The following AP3B2 variants were observed in gnomAD, a reference collection of about 807,000 sequenced individuals.
AP3B2 encodes the protein adaptor related protein complex 3 subunit beta 2, also known as AP-3 complex subunit beta-2.
Under a neutral mutation model 126.9 loss-of-function variants are expected in AP3B2, and 50 were observed. The ratio of observed to expected loss-of-function variants is 0.39; its 90% CI spans 0.31 to 0.50. AP3B2 has a LOEUF of 0.50. AP3B2 is among the 20% of genes least tolerant of loss of function. AP3B2 has a pLI of 0.79. For synonymous variants in AP3B2, 541 were observed against 565.0 expected (o/e 0.96, Z 0.60); for missense variants, 1,177 against 1,426.4 (o/e 0.83, Z 2.82).
chr15:82,689,585 A>AGCCAG (rs758306071), intron 1 of AP3B2, 132 bp from the exon 2 acceptor site: 4 of 728,482 alleles, frequency 5.5e-6, no homozygotes, highest in South Asian at 1.7e-5. Context: ...GAGGGACCAG[A>AGCCAG]GCCAGGGGGA....
In AP3B2 at chr15:82,662,718, T is replaced by C. The variant is rs1313134160; in HGVS notation, c.2809A>G (p.Ser937Gly). ...CCAATTTCGGGAAATTCTTGGATGC[T>C]GATGCCAGCAGGCAGTTTGGGAGTG... ...VGTPKLPAGISIQEFPEIESL... is the reference protein window; with the variant it reads ...VGTPKLPAGIGIQEFPEIESL... Residue 937 changes from serine to glycine, a missense_variant, in exon 23 of 27, where the codon AGC becomes GGC. Ser to Gly is a moderately conservative substitution (Grantham distance 56). This residue lies in a region of AP3B2 where 587 missense variants were observed against 571.3 expected (regional missense o/e 1.03). Transcript: ENST00000535359. 1.2e-6 allele frequency: 2 copies of C among 1,613,606 alleles called. No homozygotes were observed. Among genetic ancestry groups the C allele is most frequent in the African/African-American group, 2.7e-5 (2 of 75,060 alleles).
intron 1 of AP3B2, among the ~76,000 whole-genome samples, chr15:82,691,018 A>G (rs1481209855): frequency 6.6e-6 from 1 of 151,846 alleles, no homozygotes; most frequent in Non-Finnish European, 1.5e-5. Flanking sequence ...ACTGATGGAC[A>G]TTTGGGTTGG....
At chr15:82,685,274 G>A (rs1412270014) in intron 4 of AP3B2, 1 of 152,142 alleles carries the variant, frequency 6.6e-6, no homozygotes, top group African/African-American at 2.4e-5. Context: ...TGGAAAAATG[G>A]CACTGATAGA....
Position 82,662,843 on chromosome 15 carries a change from G to A in AP3B2, c.2684C>T (p.Thr895Ile). Residue 895 changes from threonine (T) to isoleucine (I), a missense_variant, in exon 23 of 27, where the codon ACC becomes ATC. Physicochemically the swap from Thr to Ile is moderately conservative, Grantham distance 89 (BLOSUM62 -1). Coordinates refer to ENST00000535359, the MANE Select transcript of AP3B2 (RefSeq NM_001278512.2). Reference sequence around the variant, plus strand: ...CCCGGAGAAAGGTTGGCGGCTGAAGGTGTAGTCCACAGCCAGCCCCTCGCC... The same window carrying A: ...CCCGGAGAAAGGTTGGCGGCTGAAGATGTAGTCCACAGCCAGCCCCTCGCC... ...VAGEGLAVDY[T>I]FSRQPFSGDP... 1.2e-6 allele frequency: 2 copies of A among 1,613,724 alleles called. No homozygotes were observed. Among genetic ancestry groups the A allele is most frequent in the African/African-American group, 2.7e-5 (2 of 75,034 alleles).
At chr15:82,696,337 G>A (rs1334452309) in intron 1 of AP3B2, among the ~76,000 whole-genome samples, 1 of 152,156 alleles carries the variant, frequency 6.6e-6, no homozygotes, top group African/African-American at 2.4e-5. Flanking sequence ...CAGCACTTTT[G>A]GAGGCCAAGG....
chr15:82,674,609 A>T (rs2048213984), intron 14 of AP3B2, among the ~76,000 whole-genome samples: 1 of 152,234 alleles, frequency 6.6e-6, no homozygotes, highest in Non-Finnish European at 1.5e-5. Flanking sequence ...GGCTGTGAGT[A>T]TCTGGAGACC....
At chr15:82,692,139 A>T in intron 1 of AP3B2, 1 of 1,496,538 alleles carries the variant, frequency 6.7e-7, no homozygotes, top group South Asian at 1.2e-5. Flanking sequence ...CTCCACACGA[A>T]GCCGACACTG....
intron 22 of AP3B2, 97 bp downstream of exon 22, chr15:82,663,030 C>G: frequency 1.3e-6 from 2 of 1,485,604 alleles, no homozygotes; most frequent in Non-Finnish European, 1.8e-6. Context: ...CTATCACATC[C>G]TCCATCACAC....
chr15:82,701,983 C>G (rs1403962292), intron 1 of AP3B2, among the ~76,000 whole-genome samples: 2 of 152,156 alleles, frequency 1.3e-5, no homozygotes, highest in East Asian at 3.8e-4. Context: ...CTTGAAATTA[C>G]ATTGTTTTCT....
rs1483439402 is a variant in AP3B2 at position 82,709,750 on chromosome 15, G to A, written c.-44C>T. 9.2e-6 allele frequency: 13 copies of A among 1,411,402 alleles called. No individual in the cohort carries two copies. Among genetic ancestry groups the A allele is most frequent in the East Asian group, 3.0e-5 (1 of 33,160 alleles). The allele number at this position is 1,411,402 out of a possible 1,614,324, so 87.4% of individuals were successfully genotyped here. ...TCGCCGAGGAGGAGGTTGCGGGGCC[G>A]GAGGCCGGCTGGAGCGGAGGAAGGG... On this transcript the variant is annotated 5_prime_UTR_variant, in exon 1 of 27. Coordinates refer to ENST00000535359, the MANE Select transcript of AP3B2 (RefSeq NM_001278512.2).
chr15:82,690,635 TCTTCTTC>T (rs990889293), intron 1 of AP3B2, among the ~76,000 whole-genome samples: 1 of 148,136 alleles, frequency 6.8e-6, no homozygotes, highest in African/African-American at 2.5e-5. Flanking sequence ...TGCCACATTT[TCTTCTTC>T]TTTTTTTTTT....
intron 4 of AP3B2, among the ~76,000 whole-genome samples, chr15:82,682,070 T>TG (rs2048349201): frequency 7.2e-6 from 1 of 139,088 alleles, no homozygotes; most frequent in Non-Finnish European, 1.5e-5. Flanking sequence ...TTTTTTTTTT[T>TG]GAGATGGAGT....
chr15:82,667,235 G>A (rs1339343043), intron 14 of AP3B2, among the ~76,000 whole-genome samples: 1 of 152,132 alleles, frequency 6.6e-6, no homozygotes, highest in Non-Finnish European at 1.5e-5. Context: ...CTAGATTTGT[G>A]GTCCCTACCA....
At position 82,667,029 on chromosome 15, in the gene AP3B2, G is replaced by A; in HGVS notation, c.1666-96C>T. On this transcript the variant is annotated intron_variant, in intron 14 of 26. Transcript: ENST00000535359. ...TTAAGCCGACACTTTCAGGCAGAAC[G>A]TCTCCTCTCCCTGCTTAGGACCGGC... 8 of 1,284,630 alleles carry A rather than the reference G, an allele frequency of 6.2e-6. No individual in the cohort carries two copies. The East Asian group carries it at 7.2e-5, about 11-fold the overall frequency. The allele number at this position is 1,284,630 out of a possible 1,614,324, so 79.6% of individuals were successfully genotyped here. A position where few individuals can be genotyped will look rare whatever the true frequency, so the allele number is the denominator to read the frequency against.
In AP3B2 at chr15:82,663,620, G is replaced by A. The variant is rs1311655950; in HGVS notation, c.2437C>T (p.Pro813Ser). 2 of 1,613,896 alleles carry A rather than the reference G, an allele frequency of 1.2e-6. No homozygotes were observed. The highest frequency in any genetic ancestry group is 8.5e-7 in the Non-Finnish European group (1 of 1,179,834). ...LEPASWSRKT[P>S]PSSKSAPATK... ...GCAGGAGCACTTTTGCTGCTGGGAGGCTGAAAGAGAAAAATGGGATGTGGG... is the reference window on the plus strand; with the variant it reads ...GCAGGAGCACTTTTGCTGCTGGGAGACTGAAAGAGAAAAATGGGATGTGGG... Residue 813 changes from proline (P) to serine (S), a missense_variant and splice_region_variant, in exon 21 of 27, where the codon CCT becomes TCT. Transcript: ENST00000535359.
At chr15:82,696,182 T>C (rs1032710796) in intron 1 of AP3B2, among the ~76,000 whole-genome samples, 1 of 152,222 alleles carries the variant, frequency 6.6e-6, no homozygotes, top group Non-Finnish European at 1.5e-5. Flanking sequence ...TCTGAGGTAC[T>C]GGGGGCTAGA....
intron 1 of AP3B2, among the ~76,000 whole-genome samples, chr15:82,707,904 C>T (rs2048821819): frequency 6.6e-6 from 1 of 152,214 alleles, no homozygotes; most frequent in South Asian, 2.1e-4. Flanking sequence ...CCGCTCGAAG[C>T]AGCCCTTCAA....
chr15:82,692,104 C>T, intron 1 of AP3B2: 1 of 1,496,374 alleles, frequency 6.7e-7, no homozygotes, highest in Non-Finnish European at 9.2e-7. Context: ...GGGCCACCCA[C>T]CCCGACTTCG....
At chr15:82,682,244 G>T (rs1316690515) in intron 4 of AP3B2, among the ~76,000 whole-genome samples, 2 of 151,802 alleles carry the variant, frequency 1.3e-5, no homozygotes, top group African/African-American at 4.8e-5. Flanking sequence ...GTAGAGATTA[G>T]GTTTCGCCGT....
Sources: gnomAD v4.1 joint callset for allele counts (sites outside exome capture counted in the v4.1 genomes callset) on GRCh38, gnomAD v4.1.1 for gene constraint, gnomAD v4.1.1 regional missense constraint, MANE v1.5 for transcripts, NCBI Gene and HGNC (gene_info 2026-07-23, HGNC 2026-07-21) for gene names.